The following DCDC2C variants were observed in gnomAD, a reference collection of about 807,000 sequenced individuals.
The protein encoded by DCDC2C is doublecortin domain-containing protein 2C.
A neutral mutation model predicts 45.0 loss-of-function variants in DCDC2C; 44 were observed. The ratio of observed to expected loss-of-function variants is 0.98; its 90% CI spans 0.77 to 1.26. The LOEUF (loss-of-function observed/expected upper bound fraction) is 1.26. Among genes scored for constraint, DCDC2C ranks in the 50% most tolerant of loss-of-function variants. The pLI, the probability that DCDC2C is intolerant of heterozygous loss-of-function variation, is 0.00. For synonymous variants in DCDC2C, 187 were observed against 178.8 expected, an observed-to-expected ratio of 1.05 and a Z score of -0.37; for missense variants, 447 against 468.9, an observed-to-expected ratio of 0.95 and a Z score of 0.43.
At chr2:3,753,986 G>A (rs1332142008) in intron 5 of DCDC2C, among the ~76,000 whole-genome samples, 1 of 152,176 alleles carries the variant, frequency 6.6e-6, no homozygotes, top group East Asian at 1.9e-4. Context: ...GGAACACTGT[G>A]GGGCTGTGGA....
intron 4 of DCDC2C, among the ~76,000 whole-genome samples, chr2:3,749,803 C>T (rs1669485221): frequency 6.6e-6 from 1 of 152,172 alleles, no homozygotes; most frequent in Admixed American, 6.6e-5. Context: ...TCTATAGTTC[C>T]ATCCCTGAAT....
chr2:3,829,683 A>G (rs1671907605), intron 10 of DCDC2C, among the ~76,000 whole-genome samples: 1 of 152,016 alleles, frequency 6.6e-6, no homozygotes, highest in Non-Finnish European at 1.5e-5. Flanking sequence ...AGCTACAGAG[A>G]TTTACTCCCC....
chr2:3,767,674 G>T lies in DCDC2C; in HGVS notation c.727-80G>T. 2.7e-6 allele frequency: 4 copies of T among 1,498,296 alleles called. No individual in the cohort carries two copies. In the South Asian group the frequency reaches 5.1e-5, roughly 19 times the overall value. 92.8% of individuals were successfully genotyped at this position (1,498,296 alleles called of 1,614,324 possible). A position where few individuals can be genotyped will look rare whatever the true frequency, so the allele number is the denominator to read the frequency against. On this transcript the variant is annotated intron_variant, in intron 6 of 10. Transcript: ENST00000399143. ...TTCTCTGAGGAACTTGTGTCTTCCT[G>T]ACCACACCCAGAGAACCTGATCGGA...
At chr2:3,704,900 T>C (rs1668024232) in intron 1 of DCDC2C, among the ~76,000 whole-genome samples, 1 of 152,180 alleles carries the variant, frequency 6.6e-6, no homozygotes, top group East Asian at 1.9e-4. Flanking sequence ...GTAATCCCAT[T>C]ATTGCAGCCT....
intron 2 of DCDC2C, among the ~76,000 whole-genome samples, chr2:3,721,765 G>C (rs190214319): frequency 1.3e-5 from 2 of 152,120 alleles, no homozygotes; most frequent in Non-Finnish European, 2.9e-5. Context: ...TGCTGTTCTC[G>C]TGATAGTGAA....
chr2:3,812,273 C>A (rs1175542231), intron 10 of DCDC2C, among the ~76,000 whole-genome samples: 2 of 151,096 alleles, frequency 1.3e-5, no homozygotes, highest in Non-Finnish European at 2.9e-5. Flanking sequence ...TGTTATTGGT[C>A]TATTCAGGGA....
chr2:3,813,002 G>A (rs57673215), intron 10 of DCDC2C, among the ~76,000 whole-genome samples: 1,840 of 147,870 alleles, frequency 0.012, 59 homozygotes, highest in African/African-American at 0.043. Flanking sequence ...TTATGTGGTC[G>A]ATTTTAGAAT....
rs114123211 is a variant in DCDC2C, at chr2:3,785,614, G to A, written c.1065+514G>A. Among the ~76,000 whole-genome samples the A allele has an allele frequency of 7.7e-3, 1,170 of 152,240 alleles. 14 individuals carry two copies. Among genetic ancestry groups the A allele is most frequent in the African/African-American group, 0.027 (1,124 of 41,562 alleles). On this transcript the variant is annotated intron_variant, in intron 10 of 10. Coordinates refer to ENST00000399143, the MANE Select transcript of DCDC2C (RefSeq NM_001287444.2). ...TGGGCCGGGAACCACACCTGGCAGC[G>A]GAAGGTGCTTCCCCCTAGAAGCGCT... is the stretch of plus-strand genomic sequence containing the variant.
At chr2:3,719,729 G>C (rs1195561419) in intron 2 of DCDC2C, among the ~76,000 whole-genome samples, 2 of 152,218 alleles carry the variant, frequency 1.3e-5, no homozygotes, top group Non-Finnish European at 2.9e-5. Context: ...TACCAAACCA[G>C]CCTCCGACAT....
At chr2:3,746,489 A>AT (rs1256154526) in intron 4 of DCDC2C, among the ~76,000 whole-genome samples, 1 of 151,996 alleles carries the variant, frequency 6.6e-6, no homozygotes, top group Non-Finnish European at 1.5e-5. Context: ...AATTCTGAAC[A>AT]TTTTTTCCAT....
Position 3,839,869 on chromosome 2 carries a change from T to C in DCDC2C, c.1066-7285T>C, listed in dbSNP as rs550004492. Among the ~76,000 whole-genome samples the C allele has an allele frequency of 3.3e-5, 5 of 152,344 alleles. No individual in the cohort carries two copies. In the East Asian group the frequency reaches 7.7e-4, roughly 23 times the overall value. On this transcript the variant is annotated intron_variant, in intron 10 of 10. Coordinates refer to ENST00000399143, the MANE Select transcript of DCDC2C (RefSeq NM_001287444.2). ...AACTGAAGTGCTTATTAGCAGAAGA[T>C]ATCTATGTTAATTATGCCGATAGAA...
At chr2:3,836,165 T>C (rs960564833) in intron 10 of DCDC2C, among the ~76,000 whole-genome samples, 6 of 152,200 alleles carry the variant, frequency 3.9e-5, no homozygotes, top group African/African-American at 1.4e-4. Flanking sequence ...AATGTAGATG[T>C]AATATAACTC....
At chr2:3,776,337 G>A (rs1670336095) in intron 8 of DCDC2C, among the ~76,000 whole-genome samples, 1 of 152,132 alleles carries the variant, frequency 6.6e-6, no homozygotes, top group Non-Finnish European at 1.5e-5. Flanking sequence ...AGGGAGTGGT[G>A]TCTCCTCACT....
At chr2:3,733,960 T>C (rs1668948091) in intron 3 of DCDC2C, among the ~76,000 whole-genome samples, 1 of 152,194 alleles carries the variant, frequency 6.6e-6, no homozygotes, top group African/African-American at 2.4e-5. Context: ...GCTTCTAGTT[T>C]GGCATATTTA....
intron 8 of DCDC2C, among the ~76,000 whole-genome samples, chr2:3,778,603 T>C (rs1558223118): frequency 6.6e-6 from 1 of 152,092 alleles, no homozygotes; most frequent in African/African-American, 2.4e-5. Flanking sequence ...AAGAGGTTTC[T>C]CCAGCAATTT....
intron 10 of DCDC2C, among the ~76,000 whole-genome samples, chr2:3,828,399 C>T (rs1048425285): frequency 6.6e-6 from 1 of 152,228 alleles, no homozygotes; most frequent in Non-Finnish European, 1.5e-5. Flanking sequence ...CTTGCCTCAT[C>T]ATGTCAGCTC....
Position 3,767,772 on chromosome 2 carries a change from G to A in DCDC2C, c.745G>A (p.Glu249Lys), listed in dbSNP as rs531955106. Reference protein sequence around the residue: ...RKKKVDSKGKEPCKYDGIPPK... With the variant: ...RKKKVDSKGKKPCKYDGIPPK... ...CCTGTAGGTGGACTCCAAAGGAAAA[G>A]AACCTTGTAAATATGATGGCATACC... Residue 249 changes from glutamate to lysine, a missense_variant, in exon 7 of 11, where the codon GAA becomes AAA. Transcript: ENST00000399143. The A allele has an allele frequency of 3.9e-5, 61 of 1,550,700 alleles. No individual in the cohort carries two copies. The African/African-American group carries it at 5.3e-4, about 14-fold the overall frequency.
intron 2 of DCDC2C, among the ~76,000 whole-genome samples, chr2:3,713,182 A>G (rs1244823384): frequency 6.6e-6 from 1 of 152,184 alleles, no homozygotes; most frequent in Admixed American, 6.5e-5. Flanking sequence ...GTATTAAATG[A>G]ATTTCTTCCA....
intron 10 of DCDC2C, among the ~76,000 whole-genome samples, chr2:3,821,381 A>T (rs962851003): frequency 6.6e-6 from 1 of 151,822 alleles, no homozygotes; most frequent in African/African-American, 2.4e-5. Context: ...TTTTTTTCCT[A>T]TGTGGATGCT....
Sources: gnomAD v4.1 joint callset for allele counts (sites outside exome capture counted in the v4.1 genomes callset) on GRCh38, gnomAD v4.1.1 for gene constraint, MANE v1.5 for transcripts, NCBI Gene and HGNC (gene_info 2026-07-23, HGNC 2026-07-21) for gene names.